Variants in GOLM2 observed in about 807,000 individuals in gnomAD.
The protein encoded by GOLM2 is golgi membrane protein 2, also known as protein GOLM2.
Under a neutral mutation model 55.9 loss-of-function variants are expected in GOLM2, and 26 were observed. The observed-to-expected ratio is 0.47, with a 90% CI of 0.34 to 0.65. GOLM2 has a LOEUF of 0.65. Among genes scored for constraint, GOLM2 ranks in the 30% least tolerant of loss-of-function variants. The probability of loss-of-function intolerance (pLI) is 0.01; values close to 1 mark genes in which losing one functional copy is unlikely to be tolerated. For missense variants in GOLM2, 486 were observed against 531.8 expected, an observed-to-expected ratio of 0.91 and a Z score of 0.85; for synonymous variants, 165 against 194.6, an observed-to-expected ratio of 0.85 and a Z score of 1.27.
chr15:44,353,028 C>G (rs538108522), intron 6 of GOLM2, among the ~76,000 whole-genome samples: 155 of 151,770 alleles, frequency 1.0e-3, no homozygotes, highest in African/African-American at 3.5e-3. Flanking sequence ...GCTCAAACAA[C>G]CATATAAGAA....
intron 6 of GOLM2, among the ~76,000 whole-genome samples, chr15:44,349,983 C>T (rs991797328): frequency 6.6e-6 from 1 of 152,104 alleles, no homozygotes; most frequent in Admixed American, 6.5e-5. Flanking sequence ...CTGTGGGATA[C>T]AGCGAAAGCA....
At chr15:44,290,257 C>T (rs1344339016) in intron 1 of GOLM2, among the ~76,000 whole-genome samples, 1 of 152,158 alleles carries the variant, frequency 6.6e-6, no homozygotes, top group Non-Finnish European at 1.5e-5. Context: ...GACTTAGCAA[C>T]TTCTGTAGGT....
chr15:44,373,995 G>A (rs2141188116), intron 6 of GOLM2, among the ~76,000 whole-genome samples: 1 of 152,212 alleles, frequency 6.6e-6, no homozygotes, highest in East Asian at 1.9e-4. Flanking sequence ...CAGCTACTTG[G>A]GAGGCTGAGG....
chr15:44,384,542 T>C (rs2079427996), intron 8 of GOLM2, among the ~76,000 whole-genome samples: 1 of 151,928 alleles, frequency 6.6e-6, no homozygotes, highest in South Asian at 2.1e-4. Context: ...GTCAGGAGTT[T>C]GAGACCATCC....
Position 44,289,285 on chromosome 15 carries a change from G to A in GOLM2, c.256G>A (p.Ala86Thr). The change falls in exon 1 of 10, where the codon GCC (alanine) becomes ACC (threonine). Residue 86 changes from alanine (A) to threonine (T), a missense_variant. By Grantham distance (58) the Ala-to-Thr change is moderately conservative. Coordinates refer to ENST00000299957, the MANE Select transcript of GOLM2 (RefSeq NM_138423.4). The surrounding 1 kb of genome is among the most constrained non-coding windows in gnomAD (Gnocchi z 4.8). ...THKKQIDQKEADYGRLSSRLQ... is the reference protein window; with the variant it reads ...THKKQIDQKETDYGRLSSRLQ... ...CAAGAAACAGATCGACCAGAAGGAG[G>A]CCGACTACGGCCGCCTCAGCAGCCG... The A allele has an allele frequency of 6.2e-7, 1 of 1,613,178 alleles. No individual in the cohort carries two copies. Among genetic ancestry groups the A allele is most frequent in the Non-Finnish European group, 8.5e-7 (1 of 1,179,742 alleles).
chr15:44,300,810 G>A (rs1485834193), intron 1 of GOLM2, among the ~76,000 whole-genome samples: 2 of 152,158 alleles, frequency 1.3e-5, no homozygotes, highest in East Asian at 1.9e-4. Flanking sequence ...GACAGACTGG[G>A]CATGCAGTAA....
At chr15:44,362,004 T>C (rs960499426) in intron 6 of GOLM2, among the ~76,000 whole-genome samples, 3 of 152,192 alleles carry the variant, frequency 2.0e-5, no homozygotes, top group African/African-American at 7.2e-5. Context: ...CCCTTCATGC[T>C]AAAAGCTCTC....
intron 1 of GOLM2, among the ~76,000 whole-genome samples, chr15:44,316,426 A>C (rs2078910060): frequency 6.6e-6 from 1 of 152,154 alleles, no homozygotes; most frequent in African/African-American, 2.4e-5. Flanking sequence ...GGAGATATTA[A>C]ATGAAGGCTC....
chr15:44,349,465 C>T (rs997751325), intron 6 of GOLM2, among the ~76,000 whole-genome samples: 6 of 152,048 alleles, frequency 3.9e-5, no homozygotes. Context: ...TATATATGCA[C>T]CCAGCATTGG....
intron 7 of GOLM2, 116 bp downstream of exon 7, chr15:44,379,904 G>A: frequency 1.9e-6 from 1 of 519,624 alleles, no homozygotes; most frequent in Non-Finnish European, 3.3e-6. Context: ...TATTCTTTGA[G>A]GTAATGTTAT....
intron 3 of GOLM2, among the ~76,000 whole-genome samples, chr15:44,330,827 T>C (rs1351960175): frequency 6.6e-6 from 1 of 152,204 alleles, no homozygotes; most frequent in Non-Finnish European, 1.5e-5. Context: ...TTTACCAGTT[T>C]TGTTGCTTTT....
intron 9 of GOLM2, among the ~76,000 whole-genome samples, chr15:44,405,929 G>T (rs896762978): frequency 2.6e-5 from 4 of 152,180 alleles, no homozygotes; most frequent in Admixed American, 2.6e-4. Context: ...GCCATCCAGG[G>T]ATTCTTTAGG....
chr15:44,373,253 G>C (rs1055920519), intron 6 of GOLM2, among the ~76,000 whole-genome samples: 12 of 145,056 alleles, frequency 8.3e-5, no homozygotes, highest in African/African-American at 2.0e-4. Flanking sequence ...GTCAGGAGAT[G>C]GAGACCATCC....
At chr15:44,333,078 G>A (rs540815741) in intron 4 of GOLM2, among the ~76,000 whole-genome samples, 9 of 151,990 alleles carry the variant, frequency 5.9e-5, no homozygotes, top group Admixed American at 1.3e-4. Flanking sequence ...GACTACAGGC[G>A]CCTGCCACCA....
rs1377637847 is a variant in GOLM2, at chr15:44,413,516, A to G, written c.*110A>G. Reference sequence around the variant, plus strand: ...CGAATTGTATCAGTTGTAAAGATACATTGAGATAGAATTAAGGAAAAACTT... The same window carrying G: ...CGAATTGTATCAGTTGTAAAGATACGTTGAGATAGAATTAAGGAAAAACTT... On this transcript the variant is annotated 3_prime_UTR_variant, in exon 10 of 10. Transcript: ENST00000299957. 7 of 765,930 alleles carry G rather than the reference A, an allele frequency of 9.1e-6. No homozygotes were observed. In the East Asian group the frequency reaches 1.3e-4, roughly 14 times the overall value. The allele number at this position is 765,930 out of a possible 1,614,324, so 47.4% of individuals were successfully genotyped here.
intron 6 of GOLM2, among the ~76,000 whole-genome samples, chr15:44,348,022 A>G (rs1324890592): frequency 6.6e-6 from 1 of 152,136 alleles, no homozygotes; most frequent in Non-Finnish European, 1.5e-5. Flanking sequence ...CCTGCTAACT[A>G]AAGAGCCCTT....
rs935762848 is a variant in GOLM2, at chr15:44,288,963, C to T, written c.-67C>T. On this transcript the variant is annotated 5_prime_UTR_variant, in exon 1 of 10. Coordinates refer to ENST00000299957, the MANE Select transcript of GOLM2 (RefSeq NM_138423.4). ...GCCGTGTCCGCCGGGCAACTCCAGC[C>T]GAGGCCTGGGCTTCTGCCTGCAGGT... 231 of 1,448,168 alleles carry T rather than the reference C, an allele frequency of 1.6e-4. No homozygotes were observed. Among genetic ancestry groups the T allele is most frequent in the Non-Finnish European group, 2.1e-4 (226 of 1,067,314 alleles). 89.7% of individuals were successfully genotyped at this position (1,448,168 alleles called of 1,614,324 possible). A position where few individuals can be genotyped will look rare whatever the true frequency, so the allele number is the denominator to read the frequency against.
Position 44,337,751 on chromosome 15 carries a change from T to G in GOLM2, c.577-12T>G. On this transcript the variant is annotated splice_polypyrimidine_tract_variant and intron_variant, in intron 4 of 9. Coordinates refer to ENST00000299957, the MANE Select transcript of GOLM2 (RefSeq NM_138423.4). ...GAACTGAAAAATATTATTACCAAAT[T>G]TTGTCTAACAGCAAGAGACCCAAAA... The G allele has an allele frequency of 6.4e-7, 1 of 1,553,274 alleles. No homozygotes were observed. The highest frequency in any genetic ancestry group is 8.6e-7 in the Non-Finnish European group (1 of 1,159,376).
intron 6 of GOLM2, among the ~76,000 whole-genome samples, chr15:44,358,340 G>A (rs772965831): frequency 3.4e-4 from 51 of 152,184 alleles, no homozygotes; most frequent in East Asian, 5.8e-4. Flanking sequence ...GTGACAGAGC[G>A]AGACTCTGTC....
Sources: gnomAD v4.1 joint callset for allele counts (sites outside exome capture counted in the v4.1 genomes callset) on GRCh38, gnomAD v4.1.1 for gene constraint, Gnocchi (gnomAD v3.1) non-coding constraint, MANE v1.5 for transcripts, NCBI Gene and HGNC (gene_info 2026-07-23, HGNC 2026-07-21) for gene names.